VAV2: variants seen among roughly 807,000 people sequenced by gnomAD.
VAV2 encodes vav guanine nucleotide exchange factor 2.
Under a neutral mutation model 132.5 loss-of-function variants are expected in VAV2, and 67 were observed. That is an observed-to-expected ratio of 0.51 (90% CI 0.42 to 0.62). The LOEUF is 0.62. VAV2 is among the 20% of genes least tolerant of loss of function. The probability of loss-of-function intolerance (pLI) is 0.00; values close to 1 mark genes in which losing one functional copy is unlikely to be tolerated. For missense variants in VAV2, 938 were observed against 1,153.6 expected, an observed-to-expected ratio of 0.81 and a Z score of 2.71; for synonymous variants, 492 against 443.5, an observed-to-expected ratio of 1.11 and a Z score of -1.37.
In VAV2 at chr9:133,863,382, T is replaced by C. The variant is rs1268046579; in HGVS notation, c.322-1950A>G. Reference sequence around the variant, plus strand: ...GCGCTGACACACAAGAACCTGTTTGTCAACCTGGAGTCAGCGCAAAGGCCC... The same window carrying C: ...GCGCTGACACACAAGAACCTGTTTGCCAACCTGGAGTCAGCGCAAAGGCCC... On this transcript the variant is annotated intron_variant, in intron 2 of 29. Coordinates refer to ENST00000371850, the MANE Select transcript of VAV2 (RefSeq NM_001134398.2). This position sits in a 1 kb window ranked among gnomAD's most constrained non-coding sequence, Gnocchi z 5.0. Among the ~76,000 whole-genome samples, 2 of 152,130 alleles carry C rather than the reference T, an allele frequency of 1.3e-5. No homozygotes were observed. Among genetic ancestry groups the C allele is most frequent in the Admixed American group, 1.3e-4 (2 of 15,290 alleles).
intron 2 of VAV2, among the ~76,000 whole-genome samples, chr9:133,934,611 C>T (rs1840836310): frequency 6.6e-6 from 1 of 152,244 alleles, no homozygotes; most frequent in East Asian, 1.9e-4. Flanking sequence ...CATCAGAACT[C>T]CAGGCTCTCC....
intron 2 of VAV2, among the ~76,000 whole-genome samples, chr9:133,872,339 T>C (rs1838089195): frequency 1.3e-5 from 2 of 152,220 alleles, no homozygotes; most frequent in Admixed American, 1.3e-4. Flanking sequence ...ATGGCTGTGC[T>C]GGGTGGGTGA....
rs114413676 is a variant in VAV2 at position 133,822,545 on chromosome 9, G to T, written c.450-10329C>A. ...AGGGAGCTTGTTCTCACACGCCCTG[G>T]CAGACCCTCACCACGACCCATGAGG... On this transcript the variant is annotated intron_variant, in intron 4 of 29. Coordinates refer to ENST00000371850, the MANE Select transcript of VAV2 (RefSeq NM_001134398.2). Among the ~76,000 whole-genome samples, 198 of 152,274 alleles carry T rather than the reference G, an allele frequency of 1.3e-3. 1 individual carries two copies. The highest frequency in any genetic ancestry group is 4.6e-3 in the African/African-American group (192 of 41,544).
chr9:133,979,591 C>T (rs1458833610), intron 1 of VAV2, among the ~76,000 whole-genome samples: 1 of 152,162 alleles, frequency 6.6e-6, no homozygotes, highest in Admixed American at 6.5e-5. Flanking sequence ...ACACAGAGCC[C>T]GGAGCCACGG....
In VAV2 at chr9:133,884,620, C is replaced by G. The variant is rs1038713869; in HGVS notation, c.322-23188G>C. On this transcript the variant is annotated intron_variant, in intron 2 of 29. Coordinates refer to ENST00000371850, the MANE Select transcript of VAV2 (RefSeq NM_001134398.2). This position sits in a 1 kb window ranked among gnomAD's most constrained non-coding sequence, Gnocchi z 5.3. The stretch of plus-strand genomic sequence containing the variant: ...TCAGCAAGCTGACCGCTTGGCACAG[C>G]TGCCTTTTTCTATATGCATAAGATG... Among the ~76,000 whole-genome samples, 3 of 152,142 alleles carry G rather than the reference C, an allele frequency of 2.0e-5. No individual in the cohort carries two copies. Among genetic ancestry groups the G allele is most frequent in the African/African-American group, 7.2e-5 (3 of 41,424 alleles).
chr9:133,943,158 C>T (rs563470474), intron 1 of VAV2, among the ~76,000 whole-genome samples: 55 of 152,328 alleles, frequency 3.6e-4, no homozygotes, highest in African/African-American at 1.3e-3. Context: ...GGCACCAGGT[C>T]CCTCCTGCCA....
intron 4 of VAV2, among the ~76,000 whole-genome samples, chr9:133,830,779 A>G (rs368637039): frequency 5.9e-5 from 9 of 152,346 alleles, no homozygotes; most frequent in East Asian, 1.9e-4. Flanking sequence ...GTAAATTGCC[A>G]TAATGGCTAA....
At position 133,788,953 on chromosome 9, in the gene VAV2, C is replaced by T. The variant is rs372433327; in HGVS notation, c.1274+305G>A. ...GCAGTCATTTGGCAAAGAGCCCATCCGACCACTCTGGGCCTGTCTTGGGTT... is the reference window on the plus strand; with the variant it reads ...GCAGTCATTTGGCAAAGAGCCCATCTGACCACTCTGGGCCTGTCTTGGGTT... On this transcript the variant is annotated intron_variant, in intron 14 of 29. Transcript: ENST00000371850. This position sits in a 1 kb window ranked among gnomAD's most constrained non-coding sequence, Gnocchi z 5.3. Among the ~76,000 whole-genome samples the T allele has an allele frequency of 7.9e-5, 12 of 152,332 alleles. No individual in the cohort carries two copies. The East Asian group carries it at 1.4e-3, about 17-fold the overall frequency.
At chr9:133,948,027 G>C (rs1841426777) in intron 1 of VAV2, among the ~76,000 whole-genome samples, 1 of 152,140 alleles carries the variant, frequency 6.6e-6, no homozygotes, top group Admixed American at 6.5e-5. Flanking sequence ...CTGGCCTCAA[G>C]TGATCCACCT....
Position 133,919,251 on chromosome 9 carries a change from C to T in VAV2, c.321+19852G>A, listed in dbSNP as rs1050556369. 6.6e-6 allele frequency among the ~76,000 whole-genome samples: 1 copy of T among 152,220 alleles called. No homozygotes were observed. Among genetic ancestry groups the T allele is most frequent in the Non-Finnish European group, 1.5e-5 (1 of 68,044 alleles). The stretch of plus-strand genomic sequence containing the variant: ...TGAAAGGTAAAATCACAACTGCCTG[C>T]TGTCCTGGAAGCTTCTCTGGGGCTG... On this transcript the variant is annotated intron_variant, in intron 2 of 29. Transcript: ENST00000371850. The surrounding 1 kb of genome is among the most constrained non-coding windows in gnomAD (Gnocchi z 5.8).
At chr9:133,765,639 G>A (rs1163798969) in intron 29 of VAV2, among the ~76,000 whole-genome samples, 4 of 152,230 alleles carry the variant, frequency 2.6e-5, no homozygotes, top group Non-Finnish European at 5.9e-5. Flanking sequence ...CTGGATCCAG[G>A]ACCAGGAGAG....
intron 1 of VAV2, among the ~76,000 whole-genome samples, chr9:133,973,323 G>A (rs751163604): frequency 2.6e-5 from 4 of 152,268 alleles, no homozygotes; most frequent in East Asian, 1.9e-4. Context: ...CGCGAAACTC[G>A]GAGTTCAGAA....
intron 1 of VAV2, among the ~76,000 whole-genome samples, chr9:133,940,841 G>C (rs1308001241): frequency 1.3e-5 from 2 of 151,406 alleles, no homozygotes; most frequent in Admixed American, 1.3e-4. Flanking sequence ...AATTAACATG[G>C]ACACCACACG....
At position 133,926,585 on chromosome 9, in the gene VAV2, C is replaced by T. The variant is rs953407673; in HGVS notation, c.321+12518G>A. Among the ~76,000 whole-genome samples the T allele has an allele frequency of 6.6e-6, 1 of 152,150 alleles. No individual in the cohort carries two copies. The highest frequency in any genetic ancestry group is 1.5e-5 in the Non-Finnish European group (1 of 68,018). ...TCTAAACCTGAGCAGGCCAGGCCAC[C>T]GCCACCAGCCTCTGGACCTTTGCAC... On this transcript the variant is annotated intron_variant, in intron 2 of 29. Transcript: ENST00000371850. This position sits in a 1 kb window ranked among gnomAD's most constrained non-coding sequence, Gnocchi z 4.3.
intron 4 of VAV2, among the ~76,000 whole-genome samples, chr9:133,825,700 T>C (rs538086042): frequency 6.6e-6 from 1 of 152,130 alleles, no homozygotes; most frequent in African/African-American, 2.4e-5. Context: ...GGGTGGGCCA[T>C]AGAGGACAGC....
At chr9:133,964,057 A>ATG (rs1564507761) in intron 1 of VAV2, among the ~76,000 whole-genome samples, 12 of 135,700 alleles carry the variant, frequency 8.8e-5, no homozygotes, top group African/African-American at 2.9e-4. Flanking sequence ...ATACATATAT[A>ATG]TACATATATA....
chr9:133,836,647 T>G (rs1425491444), intron 3 of VAV2, among the ~76,000 whole-genome samples: 1 of 152,226 alleles, frequency 6.6e-6, no homozygotes, highest in Non-Finnish European at 1.5e-5. Context: ...CTCCTGAGGT[T>G]GTGATCTTGT....
chr9:133,853,132 AAG>A (rs1358979770), intron 3 of VAV2, among the ~76,000 whole-genome samples: 1 of 152,200 alleles, frequency 6.6e-6, no homozygotes, highest in East Asian at 1.9e-4. Flanking sequence ...GGACAGCAGG[AAG>A]AGGTTCAAAG....
rs531244757 is a variant in VAV2 at position 133,840,909 on chromosome 9, G to A, written c.381-6569C>T. Among the ~76,000 whole-genome samples the A allele has an allele frequency of 5.3e-5, 8 of 152,276 alleles. No individual in the cohort carries two copies. Among genetic ancestry groups the A allele is most frequent in the African/African-American group, 1.2e-4 (5 of 41,568 alleles). ...GTCCAGAGGGAGGGGCACATTGGACGCGCAGGGGTCTCCAAGCTGAGGGTA... is the reference window on the plus strand; with the variant it reads ...GTCCAGAGGGAGGGGCACATTGGACACGCAGGGGTCTCCAAGCTGAGGGTA... On this transcript the variant is annotated intron_variant, in intron 3 of 29. Coordinates refer to ENST00000371850, the MANE Select transcript of VAV2 (RefSeq NM_001134398.2). This position sits in a 1 kb window ranked among gnomAD's most constrained non-coding sequence, Gnocchi z 4.5.
Sources: gnomAD v4.1 joint callset for allele counts (sites outside exome capture counted in the v4.1 genomes callset) on GRCh38, gnomAD v4.1.1 for gene constraint, Gnocchi (gnomAD v3.1) non-coding constraint, MANE v1.5 for transcripts, NCBI Gene and HGNC (gene_info 2026-07-23, HGNC 2026-07-21) for gene names.